The following ZNF503 variants were observed in gnomAD, a reference collection of about 807,000 sequenced individuals.
ZNF503 encodes NocA-like zinc finger 2.
In ZNF503, 15 loss-of-function variants were observed where a neutral mutation model predicts 34.4. The observed-to-expected ratio is 0.44, with a 90% CI of 0.29 to 0.67. The LOEUF is 0.67. ZNF503 is among the 30% of genes least tolerant of loss of function. ZNF503 has a pLI of 0.13. For synonymous variants in ZNF503, 580 were observed against 456.8 expected, an observed-to-expected ratio of 1.27 and a Z score of -3.44; for missense variants, 1,007 against 926.8, an observed-to-expected ratio of 1.09 and a Z score of -1.12.
the ZNF503 span, among the ~76,000 whole-genome samples, chr10:75,365,658 A>G: frequency 1.3e-5 from 2 of 152,174 alleles, no homozygotes; most frequent in African/African-American, 2.4e-5. Context: ...GGTGACCTTA[A>G]GCAAGTTATT....
chr10:75,329,451 C>CT, the ZNF503 span, among the ~76,000 whole-genome samples: 1 of 127,696 alleles, frequency 7.8e-6, no homozygotes, highest in African/African-American at 3.0e-5. Flanking sequence ...TTCTTTCTTT[C>CT]TTTCTTTCTC....
the ZNF503 span, among the ~76,000 whole-genome samples, chr10:75,360,030 G>A: frequency 6.6e-6 from 1 of 151,664 alleles, no homozygotes; most frequent in Non-Finnish European, 1.5e-5. Context: ...GCTAGTCTGT[G>A]CCCAAGCAGA....
the ZNF503 span, among the ~76,000 whole-genome samples, chr10:75,300,957 G>C: frequency 6.6e-6 from 1 of 151,952 alleles, no homozygotes; most frequent in South Asian, 2.1e-4. Flanking sequence ...ACCCCCCTGG[G>C]TCTCCCAAAG....
At chr10:75,374,935 AC>A in the ZNF503 span, among the ~76,000 whole-genome samples, 3 of 152,162 alleles carry the variant, frequency 2.0e-5, no homozygotes, top group African/African-American at 4.8e-5. Context: ...CCAAGGCAGT[AC>A]CTAGGATCTC....
Position 75,398,763 on chromosome 10 carries a change from G to C in ZNF503, c.1927C>G (p.Leu643Val). 7.1e-7 allele frequency: 1 copy of C among 1,411,952 alleles called. No homozygotes were observed. 87.5% of individuals were successfully genotyped at this position (1,411,952 alleles called of 1,614,324 possible). ...CCCGGCCGCCCTCACTGATACCCCA[G>C]CGCCGAGGCGGTGGTCAGTCTCTGT... ...YGQRLTTASA[L>V]GYQ The change falls in exon 2 of 2, where the codon CTG becomes GTG. Residue 643 changes from leucine to valine, a missense_variant. Coordinates refer to ENST00000372524, the MANE Select transcript of ZNF503 (RefSeq NM_032772.6).
the ZNF503 span, among the ~76,000 whole-genome samples, chr10:75,347,445 G>T: frequency 1.3e-5 from 2 of 152,206 alleles, no homozygotes; most frequent in Admixed American, 6.5e-5. Flanking sequence ...ACCTCCTGCC[G>T]GAGGGGCTGG....
chr10:75,317,319 C>G, the ZNF503 span, among the ~76,000 whole-genome samples: 1 of 137,652 alleles, frequency 7.3e-6, no homozygotes, highest in South Asian at 2.4e-4. Flanking sequence ...GCTGTTTCAC[C>G]CAGGCTGGAG....
At chr10:75,321,612 T>G in the ZNF503 span, among the ~76,000 whole-genome samples, 1 of 152,240 alleles carries the variant, frequency 6.6e-6, no homozygotes, top group Non-Finnish European at 1.5e-5. Context: ...AAGTTGCTTT[T>G]GTTATGGATT....
At chr10:75,339,986 G>A in the ZNF503 span, among the ~76,000 whole-genome samples, 286 of 152,110 alleles carry the variant, frequency 1.9e-3, 1 homozygote, top group African/African-American at 6.5e-3. Flanking sequence ...GAGGTAAGGC[G>A]AGTGGATTAC....
chr10:75,346,076 A>G, the ZNF503 span, among the ~76,000 whole-genome samples: 1 of 152,222 alleles, frequency 6.6e-6, no homozygotes, highest in Admixed American at 6.5e-5. Context: ...ATCCTGATGA[A>G]AAGAGTAAGC....
At chr10:75,319,060 A>G in the ZNF503 span, among the ~76,000 whole-genome samples, 2 of 152,046 alleles carry the variant, frequency 1.3e-5, no homozygotes, top group African/African-American at 4.8e-5. Flanking sequence ...CCTGAGGTCA[A>G]TCAATCCTCC....
At chr10:75,324,947 G>A in the ZNF503 span, among the ~76,000 whole-genome samples, 2 of 151,980 alleles carry the variant, frequency 1.3e-5, no homozygotes, top group African/African-American at 2.4e-5. Context: ...ACTTTTTATG[G>A]CTGAAAAGTA....
chr10:75,297,631 G>GC, the ZNF503 span, among the ~76,000 whole-genome samples: 1 of 152,228 alleles, frequency 6.6e-6, no homozygotes, highest in Admixed American at 6.5e-5. Flanking sequence ...AGACCCAAGA[G>GC]CAGCTGCACA....
the ZNF503 span, among the ~76,000 whole-genome samples, chr10:75,385,138 C>A: frequency 6.6e-6 from 1 of 152,218 alleles, no homozygotes; most frequent in South Asian, 2.1e-4. Flanking sequence ...ATCTTAGGGA[C>A]CCGGAGGCCA....
the ZNF503 span, among the ~76,000 whole-genome samples, chr10:75,334,746 A>G: frequency 6.6e-6 from 1 of 152,246 alleles, no homozygotes; most frequent in Non-Finnish European, 1.5e-5. Context: ...ATGCCAGCCC[A>G]GAAGTCTTTT....
the ZNF503 span, among the ~76,000 whole-genome samples, chr10:75,334,341 A>G: frequency 6.6e-6 from 1 of 152,250 alleles, no homozygotes. Context: ...TAATGTATTA[A>G]TGACATTTTA....
chr10:75,333,625 A>T, the ZNF503 span, among the ~76,000 whole-genome samples: 1 of 51,468 alleles, frequency 1.9e-5, no homozygotes, highest in Non-Finnish European at 3.8e-5. Context: ...ACGGCTGGCC[A>T]GGCGGGGGGC....
rs1273069772 is a variant in ZNF503, at chr10:75,398,890, G to A, written c.1800C>T (p.Ser600=). 1 of 1,539,436 alleles carries A rather than the reference G, an allele frequency of 6.5e-7. No homozygotes were observed. Among genetic ancestry groups the A allele is most frequent in the Non-Finnish European group, 8.7e-7 (1 of 1,146,578 alleles). Residue 600 remains serine, a synonymous_variant, in exon 2 of 2, where the codon AGC becomes AGT. Coordinates refer to ENST00000372524, the MANE Select transcript of ZNF503 (RefSeq NM_032772.6). ...RSPHHALGLS[S]RYHPYSKSPL... The stretch of plus-strand genomic sequence containing the variant: ...GGCTCTTGGAGTAGGGGTGGTAGCG[G>A]CTGCTGAGTCCCAGCGCGTGGTGGG...
chr10:75,382,524 C>G, the ZNF503 span: 1 of 718,118 alleles, frequency 1.4e-6, no homozygotes, highest in Non-Finnish European at 2.2e-6. Context: ...TTATCTTCCT[C>G]AGAAGAGTCT....
Sources: gnomAD v4.1 joint callset for allele counts (sites outside exome capture counted in the v4.1 genomes callset) on GRCh38, gnomAD v4.1.1 for gene constraint, MANE v1.5 for transcripts, NCBI Gene and HGNC (gene_info 2026-07-23, HGNC 2026-07-21) for gene names.